Variants in UBE2Q2 observed in about 807,000 individuals in gnomAD.
UBE2Q2 encodes ubiquitin conjugating enzyme E2 Q2.
Under a neutral mutation model 59.9 loss-of-function variants are expected in UBE2Q2, and 54 were observed. The observed-to-expected ratio is 0.90, with a 90% CI of 0.72 to 1.13. The LOEUF is 1.13. Ranked by LOEUF, UBE2Q2 falls within the 50% of genes most tolerant of loss-of-function variation. The probability of loss-of-function intolerance (pLI) is 0.00; values close to 1 mark genes in which losing one functional copy is unlikely to be tolerated. For synonymous variants in UBE2Q2, 165 were observed against 155.2 expected (o/e 1.06, Z -0.47); for missense variants, 433 against 441.9 (o/e 0.98, Z 0.18).
intron 9 of UBE2Q2, among the ~76,000 whole-genome samples, chr15:75,885,070 A>G (rs1050811910): frequency 2.0e-5 from 3 of 151,966 alleles, no homozygotes; most frequent in Admixed American, 1.3e-4. Flanking sequence ...CCTGCAACCT[A>G]ATCTTTGCCA....
chr15:75,849,273 A>T (rs771870437), intron 1 of UBE2Q2, among the ~76,000 whole-genome samples: 1 of 152,210 alleles, frequency 6.6e-6, no homozygotes. Flanking sequence ...ACAGCAAACT[A>T]TGAAAGTAAT....
At chr15:75,863,472 GTC>G (rs945866172) in intron 3 of UBE2Q2, among the ~76,000 whole-genome samples, 8 of 150,556 alleles carry the variant, frequency 5.3e-5, no homozygotes, top group African/African-American at 2.0e-4. Flanking sequence ...TTTTGACGGA[GTC>G]TCTCTGTCGC....
intron 5 of UBE2Q2, 49 bp from the exon 6 acceptor site, chr15:75,876,138 T>G (rs755815825): frequency 6.4e-7 from 1 of 1,564,282 alleles, no homozygotes; most frequent in South Asian, 1.1e-5. Context: ...TGAAATATCT[T>G]AAATCTTAGC....
At chr15:75,896,058 C>T (rs1899405106) in intron 11 of UBE2Q2, among the ~76,000 whole-genome samples, 1 of 152,144 alleles carries the variant, frequency 6.6e-6, no homozygotes, top group Non-Finnish European at 1.5e-5. Context: ...AAGGAACATT[C>T]TCCAAGATAT....
intron 1 of UBE2Q2, among the ~76,000 whole-genome samples, chr15:75,845,510 A>G (rs1896297329): frequency 6.6e-6 from 1 of 152,176 alleles, no homozygotes; most frequent in African/African-American, 2.4e-5. Context: ...TGGCCACGAA[A>G]AGGTAGGGCT....
chr15:75,862,953 A>G (rs1567023221), intron 3 of UBE2Q2, among the ~76,000 whole-genome samples: 1 of 152,076 alleles, frequency 6.6e-6, no homozygotes, highest in Non-Finnish European at 1.5e-5. Context: ...TCCTGGTGCA[A>G]TCATAAATGA....
chr15:75,871,423 C>T (rs144543960), intron 4 of UBE2Q2, among the ~76,000 whole-genome samples: 5,445 of 152,212 alleles, frequency 0.036, 173 homozygotes, highest in African/African-American at 0.081. Context: ...GGCTGGGGGA[C>T]GGTCAGGTCT....
chr15:75,848,263 T>A (rs899763547), intron 1 of UBE2Q2, among the ~76,000 whole-genome samples: 16 of 152,198 alleles, frequency 1.1e-4, no homozygotes, highest in African/African-American at 3.6e-4. Flanking sequence ...TTGTGGGAAA[T>A]AAAGCAATGC....
intron 7 of UBE2Q2, 79 bp downstream of exon 7, chr15:75,878,100 T>TA (rs957575098): frequency 1.7e-6 from 2 of 1,185,540 alleles, no homozygotes; most frequent in African/African-American, 3.1e-5. Context: ...TCTAACTTGA[T>TA]ACCTTTATAC....
At chr15:75,878,590 C>T (rs947515725) in intron 7 of UBE2Q2, among the ~76,000 whole-genome samples, 1 of 109,404 alleles carries the variant, frequency 9.1e-6, no homozygotes, top group Admixed American at 1.2e-4. Context: ...GAATGAGGCA[C>T]CCGGTCTCTT....
chr15:75,843,761 A>G lies in UBE2Q2; in HGVS notation c.95A>G (p.Asp32Gly). The G allele has an allele frequency of 6.2e-7, 1 of 1,610,700 alleles. No homozygotes were observed. The highest frequency in any genetic ancestry group is 8.5e-7 in the Non-Finnish European group (1 of 1,178,866). ...ERFRIVSWKL[D>G]ELHCQFLVPQ... Reference sequence around the variant, plus strand: ...TTCCGCATCGTCAGTTGGAAGCTGGACGAGCTGCACTGCCAGTTCCTGGTG... The same window carrying G: ...TTCCGCATCGTCAGTTGGAAGCTGGGCGAGCTGCACTGCCAGTTCCTGGTG... Residue 32 changes from aspartate to glycine, a missense_variant, in exon 1 of 13, where the codon GAC becomes GGC. Physicochemically the swap from Asp to Gly is moderately conservative, Grantham distance 94 (BLOSUM62 -1). Transcript: ENST00000267938.
rs144110983 is a variant in UBE2Q2, at chr15:75,890,336, C to G, written c.885-99C>G. The G allele has an allele frequency of 2.2e-4, 188 of 839,270 alleles. 3 individuals carry two copies. The East Asian group carries it at 3.9e-3, about 18-fold the overall frequency. The allele number at this position is 839,270 out of a possible 1,614,324, so 52.0% of individuals were successfully genotyped here. A position where few individuals can be genotyped will look rare whatever the true frequency, so the allele number is the denominator to read the frequency against. ...TCATGTTTGCATGTTATTTTCTCAT[C>G]CTTACTTGTGTGCATATTTTCTTGG... On this transcript the variant is annotated intron_variant, in intron 9 of 12. Transcript: ENST00000267938.
chr15:75,848,414 C>T (rs1896467527), intron 1 of UBE2Q2, among the ~76,000 whole-genome samples: 1 of 152,206 alleles, frequency 6.6e-6, no homozygotes, highest in African/African-American at 2.4e-5. Flanking sequence ...GATTACCTTT[C>T]CAAATTGAAT....
intron 11 of UBE2Q2, among the ~76,000 whole-genome samples, chr15:75,894,165 T>G (rs530071103): frequency 5.8e-4 from 88 of 152,328 alleles, no homozygotes; most frequent in South Asian, 2.1e-4. Context: ...TCATTACTTA[T>G]CAGAGACTAA....
At chr15:75,850,422 AG>A (rs1896574112) in intron 1 of UBE2Q2, among the ~76,000 whole-genome samples, 1 of 152,200 alleles carries the variant, frequency 6.6e-6, no homozygotes, top group African/African-American at 2.4e-5. Flanking sequence ...CCTTACGTGT[AG>A]GCAAGATGAA....
chr15:75,871,527 C>T (rs553098611), intron 4 of UBE2Q2, among the ~76,000 whole-genome samples: 31 of 152,292 alleles, frequency 2.0e-4, no homozygotes, highest in African/African-American at 4.8e-4. Flanking sequence ...TGCGGCCTTC[C>T]GCAGTGTTTG....
intron 1 of UBE2Q2, among the ~76,000 whole-genome samples, chr15:75,847,042 C>T (rs1430570818): frequency 6.6e-6 from 1 of 152,182 alleles, no homozygotes; most frequent in African/African-American, 2.4e-5. Context: ...CCCTTCCTCC[C>T]TTCTTTAGTC....
intron 3 of UBE2Q2, among the ~76,000 whole-genome samples, chr15:75,867,223 T>A (rs1422925830): frequency 6.6e-6 from 1 of 152,104 alleles, no homozygotes; most frequent in East Asian, 1.9e-4. Flanking sequence ...CTAAAAACAC[T>A]CTCTGTCTTT....
intron 1 of UBE2Q2, 181 bp downstream of exon 1, chr15:75,844,027 G>A (rs1896174130): frequency 2.8e-6 from 4 of 1,409,148 alleles, no homozygotes; most frequent in Admixed American, 6.2e-5. Flanking sequence ...AGGCTTGGGT[G>A]GGAGGAGGCG....
Sources: allele counts gnomAD v4.1 joint callset (sites outside exome capture counted in the v4.1 genomes callset), GRCh38; gene constraint gnomAD v4.1.1; transcripts MANE v1.5; gene names NCBI Gene and HGNC (gene_info 2026-07-23, HGNC 2026-07-21).